MGAT5: variants seen among roughly 807,000 people sequenced by gnomAD.
MGAT5 encodes alpha-1,6-mannosylglycoprotein 6-beta-N-acetylglucosaminyltransferase, also known as alpha-1,6-mannosylglycoprotein 6-beta-N-acetylglucosaminyltransferase A.
Under a neutral mutation model 94.3 loss-of-function variants are expected in MGAT5, and 30 were observed. The ratio of observed to expected loss-of-function variants is 0.32; its 90% CI spans 0.24 to 0.43. The LOEUF (loss-of-function observed/expected upper bound fraction) is 0.43. MGAT5 is among the 20% of genes least tolerant of loss of function. The pLI, the probability that MGAT5 is intolerant of heterozygous loss-of-function variation, is 1.00. For missense variants in MGAT5, 691 were observed against 905.5 expected (o/e 0.76, Z 3.04); for synonymous variants, 310 against 322.9 (o/e 0.96, Z 0.43).
intron 1 of MGAT5, among the ~76,000 whole-genome samples, chr2:134,162,517 T>C (rs1687784138): frequency 6.6e-6 from 1 of 152,248 alleles, no homozygotes; most frequent in Non-Finnish European, 1.5e-5. Flanking sequence ...TCTCATTTAG[T>C]CCTTAGACGA....
At chr2:134,169,409 C>CAG (rs1553487188) in intron 1 of MGAT5, among the ~76,000 whole-genome samples, 3 of 117,816 alleles carry the variant, frequency 2.5e-5, no homozygotes, top group Admixed American at 2.0e-4. Context: ...CACACACACA[C>CAG]ACAGACACAC....
At chr2:134,228,395 G>A (rs1339467944) in intron 1 of MGAT5, among the ~76,000 whole-genome samples, 1 of 152,168 alleles carries the variant, frequency 6.6e-6, no homozygotes, top group African/African-American at 2.4e-5. Context: ...TGCCCTAGTT[G>A]CCTAAAAGGT....
chr2:134,250,254 A>G (rs77253380), upstream of MGAT5, among the ~76,000 whole-genome samples: 6,760 of 152,208 alleles, frequency 0.044, 469 homozygotes, highest in African/African-American at 0.15. Context: ...GAATTGATGA[A>G]GTCACGGCCA....
chr2:134,368,155 A>T (rs1680552595), intron 10 of MGAT5, among the ~76,000 whole-genome samples: 1 of 152,128 alleles, frequency 6.6e-6, no homozygotes, highest in African/African-American at 2.4e-5. Flanking sequence ...CCCTGGAGGG[A>T]GTGAGTCTGT....
chr2:134,419,138 A>T (rs1424973176), intron 12 of MGAT5, among the ~76,000 whole-genome samples: 1 of 152,254 alleles, frequency 6.6e-6, no homozygotes, highest in African/African-American at 2.4e-5. Flanking sequence ...GTAATAATTG[A>T]TCCACCTAAA....
chr2:134,351,999 A>G (rs1366044138), intron 9 of MGAT5, among the ~76,000 whole-genome samples: 1 of 152,168 alleles, frequency 6.6e-6, no homozygotes, highest in Non-Finnish European at 1.5e-5. Flanking sequence ...CTGCACCAAG[A>G]TACCATGCCC....
intron 4 of MGAT5, among the ~76,000 whole-genome samples, chr2:134,334,080 C>T (rs1688180058): frequency 6.6e-6 from 1 of 152,076 alleles, no homozygotes; most frequent in African/African-American, 2.4e-5. Context: ...AAATTTCTTG[C>T]TAAAAGCTAA....
In MGAT5 at chr2:134,201,878, T is replaced by G. The variant is rs1041189794; in HGVS notation, c.-142-52384T>G. 2.7e-5 allele frequency among the ~76,000 whole-genome samples: 4 copies of G among 145,880 alleles called. 1 individual carries two copies. The highest frequency in any genetic ancestry group is 1.4e-4 in the Admixed American group (2 of 14,356). ...GAGTGACTATCCCTCCAAAAGCTGCTGATTAGCACTCTGGCTTGAAAGGCT... is the reference window on the plus strand; with the variant it reads ...GAGTGACTATCCCTCCAAAAGCTGCGGATTAGCACTCTGGCTTGAAAGGCT... On this transcript the variant is annotated intron_variant, in intron 1 of 16. Coordinates refer to the MGAT5 transcript ENST00000409645.
At chr2:134,160,166 A>T (rs1338770948) in intron 1 of MGAT5, among the ~76,000 whole-genome samples, 2 of 149,578 alleles carry the variant, frequency 1.3e-5, no homozygotes, top group Non-Finnish European at 2.9e-5. Flanking sequence ...CCACTTTTTA[A>T]TTTTTTTATT....
intron 1 of MGAT5, among the ~76,000 whole-genome samples, chr2:134,131,677 G>T (rs1558948558): frequency 6.7e-6 from 1 of 148,862 alleles, no homozygotes; most frequent in Non-Finnish European, 1.5e-5. Flanking sequence ...TAACTTTGCA[G>T]GTTCTCTTCC....
At chr2:134,120,569 C>T (rs930121987) in intron 1 of MGAT5, among the ~76,000 whole-genome samples, 2 of 150,902 alleles carry the variant, frequency 1.3e-5, no homozygotes, top group African/African-American at 2.4e-5. Flanking sequence ...GGAGGCTGAA[C>T]CCCCCCCGCC....
chr2:134,278,325 C>T (rs1189917028), intron 2 of MGAT5, among the ~76,000 whole-genome samples: 1 of 152,090 alleles, frequency 6.6e-6, no homozygotes, highest in Non-Finnish European at 1.5e-5. Context: ...ATGGATGGTC[C>T]CAAGGAGGCT....
intron 1 of MGAT5, among the ~76,000 whole-genome samples, chr2:134,152,860 G>A (rs578181854): frequency 2.4e-4 from 36 of 152,022 alleles, no homozygotes; most frequent in Admixed American, 1.0e-3. Context: ...TGTCAAAAGG[G>A]GAGATCTCTA....
intron 14 of MGAT5, among the ~76,000 whole-genome samples, chr2:134,440,203 G>T (rs1685408063): frequency 6.6e-6 from 1 of 152,048 alleles, no homozygotes; most frequent in Non-Finnish European, 1.5e-5. Flanking sequence ...CTTGGTAGGG[G>T]GTGCCATATT....
At chr2:134,293,644 A>AT (rs1303264183) in intron 2 of MGAT5, among the ~76,000 whole-genome samples, 3 of 151,552 alleles carry the variant, frequency 2.0e-5, no homozygotes, top group Non-Finnish European at 4.4e-5. Flanking sequence ...AATTTTTTGT[A>AT]TTTTTCGTAG....
intron 1 of MGAT5, among the ~76,000 whole-genome samples, chr2:134,125,676 C>G (rs1238847844): frequency 6.6e-6 from 1 of 152,180 alleles, no homozygotes; most frequent in Non-Finnish European, 1.5e-5. Context: ...GAATTGATGG[C>G]CACTGGGCAT....
intron 15 of MGAT5, among the ~76,000 whole-genome samples, chr2:134,446,150 C>T (rs1349604390): frequency 6.6e-6 from 1 of 152,074 alleles, no homozygotes; most frequent in Non-Finnish European, 1.5e-5. Flanking sequence ...TGCTTGAGCA[C>T]TCTGCGGCGG....
chr2:134,129,568 A>G (rs745800072), intron 1 of MGAT5, among the ~76,000 whole-genome samples: 3 of 152,160 alleles, frequency 2.0e-5, no homozygotes, highest in Non-Finnish European at 4.4e-5. Context: ...GTTTACTGTT[A>G]TAGGATCTGT....
intron 1 of MGAT5, among the ~76,000 whole-genome samples, chr2:134,262,459 G>A (rs911107445): frequency 6.6e-6 from 1 of 151,726 alleles, no homozygotes; most frequent in Non-Finnish European, 1.5e-5. Flanking sequence ...GCCCAGGCTG[G>A]TCTCAAACTC....
Sources: gnomAD v4.1 joint callset for allele counts (sites outside exome capture counted in the v4.1 genomes callset) on GRCh38, gnomAD v4.1.1 for gene constraint, MANE v1.5 for transcripts, NCBI Gene and HGNC (gene_info 2026-07-23, HGNC 2026-07-21) for gene names.